The following CTSW variants were observed in gnomAD, a reference collection of about 807,000 sequenced individuals.
The protein encoded by CTSW is lymphopain.
CTSW carries 42 observed loss-of-function variants against 43.8 expected under a neutral mutation model. The observed-to-expected ratio is 0.96, with a 90% confidence interval of 0.75 to 1.24. The LOEUF (loss-of-function observed/expected upper bound fraction) is 1.24. CTSW is among the 50% of genes most tolerant of loss of function. The probability of loss-of-function intolerance (pLI) is 0.00; values close to 1 mark genes in which losing one functional copy is unlikely to be tolerated. For synonymous variants in CTSW, 191 were observed against 184.8 expected (o/e 1.03, Z -0.27); for missense variants, 475 against 479.9 (o/e 0.99, Z 0.09).
rs187731206 is a variant in CTSW, at chr11:65,880,061, C to G, written c.87+120C>G. 1.6e-4 allele frequency: 195 copies of G among 1,186,068 alleles called. No homozygotes were observed. In the African/African-American group the frequency reaches 2.7e-3, roughly 17 times the overall value. The allele number at this position is 1,186,068 out of a possible 1,614,324, so 73.5% of individuals were successfully genotyped here. On this transcript the variant is annotated intron_variant, in intron 1 of 9. Coordinates refer to ENST00000307886, the MANE Select transcript of CTSW (RefSeq NM_001335.4). The stretch of plus-strand genomic sequence containing the variant: ...TTGCTGAGGCTGGAGAGGGGGCTGA[C>G]GTGCCCAAGGGCACATGGGAAGACA...
At chr11:65,882,574 G>A in intron 5 of CTSW, 35 bp from the exon 6 acceptor site, 1 of 1,614,170 alleles carries the variant, frequency 6.2e-7, no homozygotes, top group Non-Finnish European at 8.5e-7. Flanking sequence ...GAGGCCTAGG[G>A]GCCTGGTCAC....
In CTSW at chr11:65,883,545, G is replaced by A; in HGVS notation, c.1058G>A (p.Gly353Asp). ...CTGCACCGAGGGAGCAATACCTGTG[G>A]CATCACCAAGTTCCCGCTCACTGCC... ...FRLHRGSNTC[G>D]ITKFPLTARV... Residue 353 changes from glycine (G) to aspartate (D), a missense_variant, in exon 10 of 10, where the codon GGC (glycine) becomes GAC (aspartate). By Grantham distance (94) the Gly-to-Asp change is moderately conservative. Coordinates refer to ENST00000307886, the MANE Select transcript of CTSW (RefSeq NM_001335.4). 1.2e-6 allele frequency: 2 copies of A among 1,614,040 alleles called. No homozygotes were observed. Among genetic ancestry groups the A allele is most frequent in the Non-Finnish European group, 8.5e-7 (1 of 1,179,970 alleles).
chr11:65,883,345 C>T lies in CTSW; in HGVS notation c.941C>T (p.Ser314Leu), dbSNP rs757948346. The change falls in exon 9 of 10, where the codon TCG becomes TTG. Residue 314 changes from serine to leucine, a missense_variant. Transcript: ENST00000307886. ...GGGATATGGGCAGAGACAGTCTCAT[C>T]GCAGTCTCAGCCTCAGCCTCCACAC... ...EEGIWAETVS[S>L]QSQPQPPHPT... The T allele has an allele frequency of 5.1e-5, 83 of 1,613,990 alleles. No individual in the cohort carries two copies. Among genetic ancestry groups the T allele is most frequent in the Non-Finnish European group, 6.4e-5 (76 of 1,180,014 alleles).
chr11:65,880,247 T>C lies in CTSW; in HGVS notation c.133T>C (p.Phe45Leu). 1 of 1,614,048 alleles carries C rather than the reference T, an allele frequency of 6.2e-7. No homozygotes were observed. The highest frequency in any genetic ancestry group is 8.5e-7 in the Non-Finnish European group (1 of 1,180,002). Residue 45 changes from phenylalanine to leucine, a missense_variant, in exon 2 of 10, where the codon TTC becomes CTC. Physicochemically the swap from Phe to Leu is conservative, Grantham distance 22 (BLOSUM62 0). Transcript: ENST00000307886. ...PLELKEAFKL[F>L]QIQFNRSYLS... ...AGAGCTGAAAGAGGCCTTCAAGTTG[T>C]TCCAGATCCAGTTCAACCGGAGTTA...
At chr11:65,880,059 G>A in intron 1 of CTSW, 118 bp downstream of exon 1, 1 of 1,194,672 alleles carries the variant, frequency 8.4e-7, no homozygotes, top group Non-Finnish European at 1.2e-6. Context: ...AGAGGGGGCT[G>A]ACGTGCCCAA....
rs778593957 is a variant in CTSW at position 65,882,762 on chromosome 11, G to T, written c.620-17G>T. 1.9e-6 allele frequency: 3 copies of T among 1,614,172 alleles called. No individual in the cohort carries two copies. The highest frequency in any genetic ancestry group is 3.3e-5 in the Admixed American group (2 of 60,020). ...GGGCAGGAGCGGAACCTCCTCCCTT[G>T]TCTTGCTTATCTGCAGGCGGCCTGG... On this transcript the variant is annotated splice_polypyrimidine_tract_variant and intron_variant, in intron 6 of 9. Transcript: ENST00000307886.
At position 65,879,971 on chromosome 11, in the gene CTSW, A is replaced by T. The variant is rs1860085420; in HGVS notation, c.87+30A>T. 1.9e-6 allele frequency: 3 copies of T among 1,574,760 alleles called. No individual in the cohort carries two copies. The African/African-American group carries it at 4.1e-5, about 21-fold the overall frequency. ...GTGCTCCCAAACCCTTACCTATGCCAGTCCCACGCCTGGGGTCACCCCTTC... is the reference window on the plus strand; with the variant it reads ...GTGCTCCCAAACCCTTACCTATGCCTGTCCCACGCCTGGGGTCACCCCTTC... On this transcript the variant is annotated intron_variant, in intron 1 of 9. Transcript: ENST00000307886.
At position 65,883,423 on chromosome 11, in the gene CTSW, A is replaced by C. The variant is rs762714936; in HGVS notation, c.1019A>C (p.Lys340Thr). 4.3e-6 allele frequency: 7 copies of C among 1,614,020 alleles called. No homozygotes were observed. The South Asian group carries it at 7.7e-5, about 18-fold the overall frequency. The change falls in exon 9 of 10, where the codon AAG becomes ACG. Residue 340 changes from lysine (K) to threonine (T), a missense_variant and splice_region_variant. Coordinates refer to ENST00000307886, the MANE Select transcript of CTSW (RefSeq NM_001335.4). ...KNSWGAQWGE[K>T]GYFRLHRGSN... ...TCCTGGGGGGCCCAATGGGGAGAGA[A>C]GGTGAGTGTGATCTATTGGGGGAGG...
rs1489918733 is a variant in CTSW at position 65,883,472 on chromosome 11, C to T, written c.1021-36C>T. On this transcript the variant is annotated intron_variant, in intron 9 of 9. Coordinates refer to ENST00000307886, the MANE Select transcript of CTSW (RefSeq NM_001335.4). ...GGGGGCAAGGCAGAACAGGCCTCTTCCCACCTTCCCGCCCCTATGTCCCCT... is the reference window on the plus strand; with the variant it reads ...GGGGGCAAGGCAGAACAGGCCTCTTTCCACCTTCCCGCCCCTATGTCCCCT... 2.5e-6 allele frequency: 4 copies of T among 1,611,768 alleles called. No individual in the cohort carries two copies. In the South Asian group the frequency reaches 3.3e-5, roughly 13 times the overall value.
In CTSW at chr11:65,882,892, A is replaced by T. The variant is rs371248183; in HGVS notation, c.733A>T (p.Asn245Tyr). 6.2e-7 allele frequency: 1 copy of T among 1,614,034 alleles called. No homozygotes were observed. Among genetic ancestry groups the T allele is most frequent in the Non-Finnish European group, 8.5e-7 (1 of 1,180,024 alleles). The change falls in exon 7 of 10, where the codon AAC (asparagine) becomes TAC (tyrosine). Residue 245 changes from asparagine (N) to tyrosine (Y), a missense_variant. Asn to Tyr is a moderately radical substitution (Grantham distance 143, BLOSUM62 -2). Coordinates refer to ENST00000307886, the MANE Select transcript of CTSW (RefSeq NM_001335.4). ...GATCCAGGACTTCATCATGCTGCAG[A>T]ACAACGAGCACAGTGCGGGCAGGGC... ...AWIQDFIMLQ[N>Y]NEHRIAQYLA...
Position 65,883,401 on chromosome 11 carries a change from T to G in CTSW, c.997T>G (p.Trp333Gly). Residue 333 changes from tryptophan (W) to glycine (G), a missense_variant, in exon 9 of 10, where the codon TGG (tryptophan) becomes GGG (glycine). Physicochemically the swap from Trp to Gly is radical, Grantham distance 184. Coordinates refer to ENST00000307886, the MANE Select transcript of CTSW (RefSeq NM_001335.4). ...PTPYWILKNS[W>G]GAQWGEKGYF... ...CCCATACTGGATCCTGAAGAACTCC[T>G]GGGGGGCCCAATGGGGAGAGAAGGT... 6.2e-7 allele frequency: 1 copy of G among 1,613,952 alleles called. No homozygotes were observed. The highest frequency in any genetic ancestry group is 8.5e-7 in the Non-Finnish European group (1 of 1,179,952).
In CTSW at chr11:65,881,441, C is replaced by T. The variant is rs200649581; in HGVS notation, c.207C>T (p.Asn69=). ...HAHRLDIFAH[N]LAQAQRLQEE... is the part of the protein sequence containing the mutation. ...ACCGCCTGGACATCTTTGCCCACAA[C>T]CTGGCCCAGGCTCAGAGGCTGCAGG... The change falls in exon 3 of 10, where the codon AAC becomes AAT. Residue 69 remains asparagine, a synonymous_variant. Coordinates refer to ENST00000307886, the MANE Select transcript of CTSW (RefSeq NM_001335.4). 1 of 1,609,964 alleles carries T rather than the reference C, an allele frequency of 6.2e-7. No homozygotes were observed. Among genetic ancestry groups the T allele is most frequent in the Non-Finnish European group, 8.5e-7 (1 of 1,177,740 alleles).
intron 3 of CTSW, 75 bp downstream of exon 3, chr11:65,881,595 G>T: frequency 1.0e-6 from 1 of 997,452 alleles, no homozygotes. Flanking sequence ...GCTGGACCCA[G>T]CGGACCTTCA....
intron 6 of CTSW, 41 bp from the exon 7 acceptor site, chr11:65,882,738 G>A: frequency 6.2e-7 from 1 of 1,614,178 alleles, no homozygotes; most frequent in Non-Finnish European, 8.5e-7. Flanking sequence ...GGACAGGGTG[G>A]GCAGGAGCGG....
In CTSW at chr11:65,881,848, C is replaced by T. The variant is rs575409919; in HGVS notation, c.287-327C>T. 3.3e-5 allele frequency among the ~76,000 whole-genome samples: 5 copies of T among 152,298 alleles called. No homozygotes were observed. In the South Asian group the frequency reaches 8.3e-4, roughly 25 times the overall value. On this transcript the variant is annotated intron_variant, in intron 3 of 9. Coordinates refer to ENST00000307886, the MANE Select transcript of CTSW (RefSeq NM_001335.4). Reference sequence around the variant, plus strand: ...CCAGGCTGCAGTACAATAGTGCAATCACAGCTCACTCAGCCTCCACCTCCT... The same window carrying T: ...CCAGGCTGCAGTACAATAGTGCAATTACAGCTCACTCAGCCTCCACCTCCT...
Position 65,882,486 on chromosome 11 carries a change from G to T in CTSW, c.498G>T (p.Trp166Cys). 6.2e-7 allele frequency: 1 copy of T among 1,614,222 alleles called. No individual in the cohort carries two copies. Among genetic ancestry groups the T allele is most frequent in the Non-Finnish European group, 8.5e-7 (1 of 1,180,032 alleles). The change falls in exon 5 of 10, where the codon TGG becomes TGT. Residue 166 changes from tryptophan (W) to cysteine (C), a missense_variant. Physicochemically the swap from Trp to Cys is radical, Grantham distance 215 (BLOSUM62 -2). Coordinates refer to ENST00000307886, the MANE Select transcript of CTSW (RefSeq NM_001335.4). ...CGGCAGGCAACATAGAGACCCTGTG[G>T]CGCATCAGTTTCTGGGATTTTGTGG... ...MAAAGNIETL[W>C]RISFWDFVDV...
chr11:65,882,771 A>G lies in CTSW; in HGVS notation c.620-8A>G, dbSNP rs1860128810. ...CGGAACCTCCTCCCTTGTCTTGCTT[A>G]TCTGCAGGCGGCCTGGCCAGTGAAA... On this transcript the variant is annotated splice_polypyrimidine_tract_variant and splice_region_variant and intron_variant, in intron 6 of 9. Coordinates refer to ENST00000307886, the MANE Select transcript of CTSW (RefSeq NM_001335.4). 1 of 1,614,168 alleles carries G rather than the reference A, an allele frequency of 6.2e-7. No individual in the cohort carries two copies. The highest frequency in any genetic ancestry group is 1.3e-5 in the African/African-American group (1 of 75,058).
Position 65,883,421 on chromosome 11 carries a change from GA to G in CTSW, c.1019del (p.Lys340ArgfsTer29), listed in dbSNP as rs754023953. The G allele has an allele frequency of 6.2e-7, 1 of 1,614,054 alleles. No individual in the cohort carries two copies. The highest frequency in any genetic ancestry group is 1.1e-5 in the South Asian group (1 of 91,086). On this transcript the variant is annotated frameshift_variant and splice_region_variant, in exon 9 of 10. Transcript: ENST00000307886. LOFTEE classifies it low-confidence loss of function (END_TRUNC). The part of the protein sequence containing the change: ...KNSWGAQWGE[K>X]GYFRLHRGSN... The stretch of plus-strand genomic sequence containing the variant: ...ACTCCTGGGGGGCCCAATGGGGAGA[GA>G]AGGTGAGTGTGATCTATTGGGGGAG...
chr11:65,882,217 G>C lies in CTSW; in HGVS notation c.329G>C (p.Gly110Ala). 6.2e-7 allele frequency: 1 copy of C among 1,614,176 alleles called. No homozygotes were observed. Among genetic ancestry groups the C allele is most frequent in the Non-Finnish European group, 8.5e-7 (1 of 1,180,028 alleles). The change falls in exon 4 of 10, where the codon GGA (glycine) becomes GCA (alanine). Residue 110 changes from glycine (G) to alanine (A), a missense_variant. Coordinates refer to ENST00000307886, the MANE Select transcript of CTSW (RefSeq NM_001335.4). ...GQLYGYRRAA[G>A]GVPSMGREIR... ...CTCTATGGCTATCGGAGGGCAGCTG[G>C]AGGGGTCCCCAGCATGGGCAGAGAA...
Sources: gnomAD v4.1 joint callset for allele counts (sites outside exome capture counted in the v4.1 genomes callset) on GRCh38, gnomAD v4.1.1 for gene constraint, MANE v1.5 for transcripts, NCBI Gene and HGNC (gene_info 2026-07-23, HGNC 2026-07-21) for gene names.